XKR4: variants seen among roughly 807,000 people sequenced by gnomAD.
XKR4 encodes XK-related protein 4.
XKR4 carries 12 observed loss-of-function variants against 53.9 expected under a neutral mutation model. The ratio of observed to expected loss-of-function variants is 0.22; its 90% CI spans 0.14 to 0.36. The LOEUF (loss-of-function observed/expected upper bound fraction) is 0.36. XKR4 is among the 10% of genes least tolerant of loss of function. The pLI is 1.00. For synonymous variants in XKR4, 354 were observed against 362.4 expected (o/e 0.98, Z 0.26); for missense variants, 799 against 859.5 (o/e 0.93, Z 0.88).
intron 1 of XKR4, among the ~76,000 whole-genome samples, chr8:55,129,213 G>A (rs906434783): frequency 1.4e-4 from 21 of 152,088 alleles, no homozygotes; most frequent in African/African-American, 5.1e-4. Context: ...TTTCTTTCTG[G>A]TTACAAGGCT....
chr8:55,106,330 A>G (rs923872098), intron 1 of XKR4, among the ~76,000 whole-genome samples: 5 of 152,182 alleles, frequency 3.3e-5, no homozygotes, highest in African/African-American at 9.6e-5. Flanking sequence ...GCTAAAAGCA[A>G]TGATACATAT....
chr8:55,455,223 C>A (rs970615090), intron 2 of XKR4: 1 of 325,084 alleles, frequency 3.1e-6, no homozygotes, highest in African/African-American at 2.3e-5. Flanking sequence ...GGACCGCACA[C>A]CCGGGACACC....
intron 1 of XKR4, among the ~76,000 whole-genome samples, chr8:55,153,959 C>T (rs1178740519): frequency 1.3e-5 from 2 of 152,082 alleles, no homozygotes; most frequent in Non-Finnish European, 2.9e-5. Context: ...CGATGTATTC[C>T]CAGGAAAAGT....
At chr8:55,153,142 C>A (rs942886041) in intron 1 of XKR4, among the ~76,000 whole-genome samples, 6 of 152,094 alleles carry the variant, frequency 3.9e-5, no homozygotes, top group Non-Finnish European at 8.8e-5. Flanking sequence ...TCCACACTTG[C>A]CACACACACA....
intron 1 of XKR4, among the ~76,000 whole-genome samples, chr8:55,332,222 C>A (rs1252125597): frequency 6.6e-6 from 1 of 152,072 alleles, no homozygotes; most frequent in East Asian, 1.9e-4. Flanking sequence ...TACTCATTCA[C>A]TTTTTATTAT....
intron 2 of XKR4, among the ~76,000 whole-genome samples, chr8:55,399,720 G>T (rs1436383495): frequency 6.6e-6 from 1 of 152,212 alleles, no homozygotes. Flanking sequence ...CTGGATAATG[G>T]CAAGGAACAG....
At chr8:55,324,384 G>A (rs994421288) in intron 1 of XKR4, among the ~76,000 whole-genome samples, 11 of 152,064 alleles carry the variant, frequency 7.2e-5, no homozygotes, top group South Asian at 4.1e-4. Flanking sequence ...GTGAGCCACC[G>A]CACCCAGCAT....
intron 2 of XKR4, among the ~76,000 whole-genome samples, chr8:55,426,667 T>C (rs570776416): frequency 2.6e-5 from 4 of 152,178 alleles, no homozygotes; most frequent in East Asian, 1.9e-4. Context: ...CCAGAAAACA[T>C]ATACACGAGT....
intron 1 of XKR4, among the ~76,000 whole-genome samples, chr8:55,129,280 T>C (rs963323958): frequency 6.6e-6 from 1 of 152,162 alleles, no homozygotes; most frequent in African/African-American, 2.4e-5. Context: ...AAAGAAATAA[T>C]GCCCTCAAAG....
At chr8:55,156,253 TTG>T (rs1450571753) in intron 1 of XKR4, among the ~76,000 whole-genome samples, 1 of 151,914 alleles carries the variant, frequency 6.6e-6, no homozygotes, top group African/African-American at 2.4e-5. Flanking sequence ...GGCAGATCTG[TTG>T]GAACACTCAG....
intron 2 of XKR4, among the ~76,000 whole-genome samples, chr8:55,501,681 CAT>C (rs1217263582): frequency 4.2e-5 from 4 of 96,184 alleles, no homozygotes; most frequent in African/African-American, 9.7e-5. Context: ...GTTGTAAATA[CAT>C]ACATATATAT....
At chr8:55,278,251 C>T (rs560794914) in intron 1 of XKR4, among the ~76,000 whole-genome samples, 5 of 150,918 alleles carry the variant, frequency 3.3e-5, no homozygotes, top group Non-Finnish European at 5.9e-5. Context: ...GCACAAGAAT[C>T]GTTCCAACCC....
rs374176584 is a variant in XKR4 at position 55,102,605 on chromosome 8, G to A, written c.117G>A (p.Pro39=). Residue 39 remains proline (P), a synonymous_variant, in exon 1 of 3, where the codon CCG becomes CCA. Coordinates refer to ENST00000327381, the MANE Select transcript of XKR4 (RefSeq NM_052898.2). The surrounding 1 kb of genome is among the most constrained non-coding windows in gnomAD (Gnocchi z 5.1). ...TGCAGGGATTGGCTCCAGGCTTGCC[G>A]TCGGGGTCGGGAGCCGAGGACGAGG... ...GSVQGLAPGL[P]SGSGAEDEEA... 2 of 1,466,058 alleles carry A rather than the reference G, an allele frequency of 1.4e-6. No homozygotes were observed. Among genetic ancestry groups the A allele is most frequent in the African/African-American group, 1.4e-5 (1 of 69,022 alleles). 90.8% of individuals were successfully genotyped at this position (1,466,058 alleles called of 1,614,324 possible).
chr8:55,164,234 A>T (rs1817030622), intron 1 of XKR4: 1 of 456,380 alleles, frequency 2.2e-6, no homozygotes, highest in African/African-American at 2.0e-5. Flanking sequence ...TTCTGTCGGC[A>T]TTGAGACCCA....
At chr8:55,179,880 T>G (rs1817283726) in intron 1 of XKR4, among the ~76,000 whole-genome samples, 1 of 152,236 alleles carries the variant, frequency 6.6e-6, no homozygotes, top group Non-Finnish European at 1.5e-5. Context: ...CATATTTGAA[T>G]ATAATCATAT....
In XKR4 at chr8:55,524,036, C is replaced by T. The variant is rs1040350240; in HGVS notation, c.1762C>T (p.Pro588Ser). 1 of 1,614,188 alleles carries T rather than the reference C, an allele frequency of 6.2e-7. No individual in the cohort carries two copies. The highest frequency in any genetic ancestry group is 8.5e-7 in the Non-Finnish European group (1 of 1,180,044). ...CCCATCCACCCCATCATCTCGCCCA[C>T]CACGGATTGAAGAATCAGTCATTAA... ...TAPSTPSSRP[P>S]RIEESVIKID... Residue 588 changes from proline (P) to serine (S), a missense_variant, in exon 3 of 3, where the codon CCA becomes TCA. Pro to Ser is a moderately conservative substitution (Grantham distance 74). Coordinates refer to ENST00000327381, the MANE Select transcript of XKR4 (RefSeq NM_052898.2).
intron 1 of XKR4, among the ~76,000 whole-genome samples, chr8:55,355,867 T>C (rs1205030651): frequency 2.0e-5 from 3 of 152,232 alleles, no homozygotes; most frequent in Non-Finnish European, 4.4e-5. Context: ...TCCTTCGCTC[T>C]TGGCATCTGA....
intron 1 of XKR4, among the ~76,000 whole-genome samples, chr8:55,245,972 C>T (rs1330289893): frequency 6.6e-6 from 1 of 152,162 alleles, no homozygotes; most frequent in Non-Finnish European, 1.5e-5. Flanking sequence ...CGTGGTGGCG[C>T]ATGCCTGTAA....
chr8:55,512,134 A>T (rs892870280), intron 2 of XKR4, among the ~76,000 whole-genome samples: 2 of 152,214 alleles, frequency 1.3e-5, no homozygotes, highest in Non-Finnish European at 2.9e-5. Context: ...GCAGCTCCAG[A>T]AGTGACCTCT....
Sources: allele counts gnomAD v4.1 joint callset (sites outside exome capture counted in the v4.1 genomes callset), GRCh38; gene constraint gnomAD v4.1.1; non-coding constraint Gnocchi (gnomAD v3.1); transcripts MANE v1.5; gene names NCBI Gene and HGNC (gene_info 2026-07-23, HGNC 2026-07-21).